Variants in CSMD1 observed in about 807,000 individuals in gnomAD.
CSMD1 encodes the protein CUB and sushi domain-containing protein 1.
CSMD1 carries 213 observed loss-of-function variants against 417.5 expected under a neutral mutation model. That is an observed-to-expected ratio of 0.51 (90% CI 0.46 to 0.57). The LOEUF is 0.57. Among genes scored for constraint, CSMD1 ranks in the 20% least tolerant of loss-of-function variants. The probability of loss-of-function intolerance (pLI) is 0.00; values close to 1 mark genes in which losing one functional copy is unlikely to be tolerated. For synonymous variants in CSMD1, 2,862 were observed against 1,736.8 expected, an observed-to-expected ratio of 1.65 and a Z score of -16.11; for missense variants, 6,923 against 4,529.7, an observed-to-expected ratio of 1.53 and a Z score of -15.17.
chr8:4,009,571 T>C (rs1178972605), intron 4 of CSMD1, among the ~76,000 whole-genome samples: 1 of 152,218 alleles, frequency 6.6e-6, no homozygotes, highest in Non-Finnish European at 1.5e-5. Context: ...GTTATACAGT[T>C]GGATGTGTAA....
intron 50 of CSMD1, among the ~76,000 whole-genome samples, chr8:3,042,054 C>A (rs1045361988): frequency 9.2e-5 from 14 of 152,156 alleles, no homozygotes; most frequent in Non-Finnish European, 1.6e-4. Context: ...GAACCCAAGC[C>A]TCCCTCATCA....
chr8:3,907,200 G>A (rs1808171916), intron 5 of CSMD1, among the ~76,000 whole-genome samples: 1 of 152,124 alleles, frequency 6.6e-6, no homozygotes, highest in Non-Finnish European at 1.5e-5. Flanking sequence ...TCAGCGATCT[G>A]ATCTCATACA....
At chr8:3,083,328 T>G (rs1014092590) in intron 49 of CSMD1, among the ~76,000 whole-genome samples, 3 of 151,816 alleles carry the variant, frequency 2.0e-5, no homozygotes, top group African/African-American at 4.8e-5. Context: ...AAATAGAAAA[T>G]AGGGTTCCCT....
chr8:4,481,348 A>G (rs1354315441), intron 2 of CSMD1, among the ~76,000 whole-genome samples: 1 of 152,258 alleles, frequency 6.6e-6, no homozygotes, highest in Non-Finnish European at 1.5e-5. Context: ...AGCTTAATCT[A>G]TCAAAAGGGT....
At chr8:3,687,943 C>T (rs1409312369) in intron 7 of CSMD1, among the ~76,000 whole-genome samples, 3 of 152,198 alleles carry the variant, frequency 2.0e-5, no homozygotes, top group Non-Finnish European at 4.4e-5. Flanking sequence ...CTCCTACCAA[C>T]CCTTTGTTTC....
At chr8:4,623,512 C>G (rs1242500151) in intron 2 of CSMD1, among the ~76,000 whole-genome samples, 3 of 151,866 alleles carry the variant, frequency 2.0e-5, no homozygotes, top group African/African-American at 7.3e-5. Context: ...ATTTTCCCCA[C>G]AAAGACTTTT....
intron 3 of CSMD1, among the ~76,000 whole-genome samples, chr8:4,376,533 TTTTAA>T (rs1369931862): frequency 6.6e-6 from 1 of 152,202 alleles, no homozygotes; most frequent in Non-Finnish European, 1.5e-5. Context: ...TTTAATCAAT[TTTTAA>T]TTTAATTTTA....
At chr8:3,636,585 C>T (rs11997565) in intron 7 of CSMD1, among the ~76,000 whole-genome samples, 69,134 of 151,996 alleles carry the variant, frequency 0.45, 15,854 homozygotes, top group Middle Eastern at 0.63. Context: ...GGTCATGAAA[C>T]GGAATGTGAA....
intron 5 of CSMD1, among the ~76,000 whole-genome samples, chr8:3,953,194 G>A (rs1017840327): frequency 2.0e-5 from 3 of 151,956 alleles, no homozygotes; most frequent in Non-Finnish European, 4.4e-5. Flanking sequence ...TTGTGTAGAA[G>A]CACTATAAAC....
chr8:3,188,603 G>A (rs948034907), intron 35 of CSMD1, among the ~76,000 whole-genome samples: 10 of 151,668 alleles, frequency 6.6e-5, no homozygotes, highest in African/African-American at 1.9e-4. Flanking sequence ...CAATGCACAC[G>A]GCTGAAAGAA....
chr8:4,330,002 C>T (rs542339006), intron 3 of CSMD1, among the ~76,000 whole-genome samples: 2 of 152,246 alleles, frequency 1.3e-5, no homozygotes, highest in Admixed American at 1.3e-4. Context: ...CAGCACCATG[C>T]TTCCTGTACA....
intron 8 of CSMD1, among the ~76,000 whole-genome samples, chr8:3,590,792 T>A (rs1800812371): frequency 6.6e-6 from 1 of 152,128 alleles, no homozygotes; most frequent in Admixed American, 6.6e-5. Flanking sequence ...TAAATCAAGT[T>A]GAGGCAGAAA....
rs1480631456 is a variant in CSMD1, at chr8:4,874,774, GAAAT to G, written c.85+119554_85+119557del. Among the ~76,000 whole-genome samples, 9 of 150,820 alleles carry G rather than the reference GAAAT, an allele frequency of 6.0e-5. No individual in the cohort carries two copies. In the East Asian group the frequency reaches 1.8e-3, roughly 29 times the overall value. ...GATGGATATTTCATATAGACAGAAA[GAAAT>G]AGAGATAGACTTTTTGTGTGTGTAT... On this transcript the variant is annotated intron_variant, in intron 1 of 69. Transcript: ENST00000635120.
At chr8:4,704,314 G>C (rs1055963344) in intron 1 of CSMD1, among the ~76,000 whole-genome samples, 1 of 152,202 alleles carries the variant, frequency 6.6e-6, no homozygotes, top group East Asian at 1.9e-4. Flanking sequence ...TCAGCATTGA[G>C]TGTCTTACTG....
At chr8:4,409,993 T>C (rs927197062) in intron 3 of CSMD1, among the ~76,000 whole-genome samples, 1 of 152,102 alleles carries the variant, frequency 6.6e-6, no homozygotes, top group African/African-American at 2.4e-5. Context: ...TTTGTATTTT[T>C]AGTAGAGATG....
intron 12 of CSMD1, among the ~76,000 whole-genome samples, chr8:3,428,784 C>G (rs1585151161): frequency 6.6e-6 from 1 of 152,026 alleles, no homozygotes; most frequent in African/African-American, 2.4e-5. Flanking sequence ...TTCACAATAG[C>G]CAAGATACGG....
chr8:3,043,542 G>T (rs1811247559), intron 50 of CSMD1, among the ~76,000 whole-genome samples: 1 of 151,916 alleles, frequency 6.6e-6, no homozygotes, highest in African/African-American at 2.4e-5. Flanking sequence ...AAGTCCTCAT[G>T]GTGCCCAGCA....
At chr8:4,299,694 G>T (rs11136718) in intron 3 of CSMD1, among the ~76,000 whole-genome samples, 1 of 151,856 alleles carries the variant, frequency 6.6e-6, no homozygotes, top group East Asian at 1.9e-4. Context: ...ATGCAGTGGC[G>T]ATCTTGGCTC....
At chr8:3,994,354 C>A (rs1477493140) in intron 5 of CSMD1, among the ~76,000 whole-genome samples, 1 of 149,526 alleles carries the variant, frequency 6.7e-6, no homozygotes, top group Non-Finnish European at 1.5e-5. Flanking sequence ...AATTTAGAAA[C>A]CATAGAGGGA....
Sources: allele counts gnomAD v4.1 joint callset (sites outside exome capture counted in the v4.1 genomes callset), GRCh38; gene constraint gnomAD v4.1.1; transcripts MANE v1.5; gene names NCBI Gene and HGNC (gene_info 2026-07-23, HGNC 2026-07-21).